The following SLC24A2 variants were observed in gnomAD, a reference collection of about 807,000 sequenced individuals.
The protein encoded by SLC24A2 is solute carrier family 24 member 2.
Under a neutral mutation model 62.0 loss-of-function variants are expected in SLC24A2, and 36 were observed. The ratio of observed to expected loss-of-function variants is 0.58; its 90% CI spans 0.44 to 0.77. The LOEUF is 0.77. SLC24A2 is among the 30% of genes least tolerant of loss of function. SLC24A2 has a pLI of 0.00. For missense variants in SLC24A2, 846 were observed against 817.9 expected (o/e 1.03, Z -0.42); for synonymous variants, 358 against 294.0 (o/e 1.22, Z -2.23).
At chr9:19,597,537 C>A (rs1328820075) in intron 4 of SLC24A2, among the ~76,000 whole-genome samples, 1 of 152,086 alleles carries the variant, frequency 6.6e-6, no homozygotes, top group Non-Finnish European at 1.5e-5. Flanking sequence ...ATCTTAACAT[C>A]CAATGAAACA....
intron 7 of SLC24A2, among the ~76,000 whole-genome samples, chr9:19,566,403 C>T (rs1254026395): frequency 6.8e-6 from 1 of 146,564 alleles, no homozygotes; most frequent in African/African-American, 2.5e-5. Context: ...AAATCAAAAC[C>T]ACAGTGAGAT....
the SLC24A2 span, among the ~76,000 whole-genome samples, chr9:19,949,086 T>C: frequency 4.6e-5 from 7 of 152,056 alleles, 1 homozygote; most frequent in South Asian, 1.5e-3. Flanking sequence ...CTCTGCCCCC[T>C]GAGTTCAAGT....
chr9:19,692,688 C>G (rs141110668), intron 2 of SLC24A2, among the ~76,000 whole-genome samples: 12 of 152,230 alleles, frequency 7.9e-5, no homozygotes, highest in African/African-American at 2.6e-4. Context: ...CACTATGCAT[C>G]ACATTCTTAT....
chr9:19,667,823 C>A (rs148563679), intron 2 of SLC24A2, among the ~76,000 whole-genome samples: 1 of 152,254 alleles, frequency 6.6e-6, no homozygotes, highest in East Asian at 1.9e-4. Context: ...CCGTGCTGCT[C>A]CTCTCTGCCT....
chr9:19,861,014 G>A, the SLC24A2 span, among the ~76,000 whole-genome samples: 5 of 152,172 alleles, frequency 3.3e-5, no homozygotes, highest in Admixed American at 6.5e-5. Flanking sequence ...GGAACTTGAC[G>A]CCCTGAAGGG....
At chr9:19,749,265 T>C (rs767107292) in intron 2 of SLC24A2, among the ~76,000 whole-genome samples, 11 of 152,076 alleles carry the variant, frequency 7.2e-5, no homozygotes, top group Non-Finnish European at 1.6e-4. Flanking sequence ...TACATTTCAT[T>C]TATTTTGGCT....
the SLC24A2 span, among the ~76,000 whole-genome samples, chr9:20,077,802 G>T: frequency 2.0e-5 from 3 of 152,120 alleles, no homozygotes; most frequent in Non-Finnish European, 4.4e-5. Context: ...ATCCTTTCTG[G>T]TTTTTTGATT....
the SLC24A2 span, among the ~76,000 whole-genome samples, chr9:20,127,870 C>T: frequency 9.2e-5 from 14 of 152,110 alleles, no homozygotes; most frequent in Non-Finnish European, 4.4e-5. Flanking sequence ...GAGAGACGGT[C>T]ACTCTATTAA....
At chr9:19,547,872 T>C (rs1729324909) in intron 8 of SLC24A2, among the ~76,000 whole-genome samples, 1 of 151,686 alleles carries the variant, frequency 6.6e-6, no homozygotes, top group Admixed American at 6.5e-5. Context: ...TGCAAGCATA[T>C]CTTAGAAATG....
the SLC24A2 span, among the ~76,000 whole-genome samples, chr9:20,076,924 A>G: frequency 6.8e-6 from 1 of 147,612 alleles, no homozygotes; most frequent in Admixed American, 6.8e-5. Flanking sequence ...TACCACATTT[A>G]TATATATTTG....
the SLC24A2 span, among the ~76,000 whole-genome samples, chr9:20,061,141 C>T: frequency 6.6e-6 from 1 of 151,896 alleles, no homozygotes; most frequent in Non-Finnish European, 1.5e-5. Flanking sequence ...ATGCAAAAGA[C>T]CTAAAATAAA....
At chr9:19,736,874 G>A (rs541249191) in intron 2 of SLC24A2, among the ~76,000 whole-genome samples, 5 of 152,060 alleles carry the variant, frequency 3.3e-5, no homozygotes, top group African/African-American at 9.6e-5. Flanking sequence ...CTTATACCAT[G>A]CAAGAGTTAA....
the SLC24A2 span, among the ~76,000 whole-genome samples, chr9:19,947,279 C>A: frequency 6.6e-6 from 1 of 151,984 alleles, no homozygotes; most frequent in African/African-American, 2.4e-5. Flanking sequence ...CAGGTGCCAT[C>A]TTTTGAAAGC....
At chr9:19,850,984 T>TATATATATAC in the SLC24A2 span, among the ~76,000 whole-genome samples, 11 of 30,534 alleles carry the variant, frequency 3.6e-4, 1 homozygote, top group Admixed American at 8.1e-4. Context: ...TATATATATA[T>TATATATATAC]GTATATATAT....
intron 2 of SLC24A2, among the ~76,000 whole-genome samples, chr9:19,690,515 G>T (rs1820013455): frequency 6.6e-6 from 1 of 152,074 alleles, no homozygotes. Context: ...AAGATCTACT[G>T]GTGGCTTTCT....
chr9:19,547,539 A>C (rs1448668519), intron 8 of SLC24A2, among the ~76,000 whole-genome samples: 1 of 151,966 alleles, frequency 6.6e-6, no homozygotes, highest in Non-Finnish European at 1.5e-5. Flanking sequence ...TGACGTTTCA[A>C]CTAGGATTAC....
chr9:20,087,656 G>C, the SLC24A2 span, among the ~76,000 whole-genome samples: 5 of 152,106 alleles, frequency 3.3e-5, no homozygotes, highest in Admixed American at 2.0e-4. Context: ...TTTCCTACTT[G>C]ATTTTAGCAA....
chr9:20,069,878 T>C, the SLC24A2 span, among the ~76,000 whole-genome samples: 1 of 152,196 alleles, frequency 6.6e-6, no homozygotes, highest in Non-Finnish European at 1.5e-5. Context: ...GTCCCTTCTA[T>C]TCACCACTGT....
At chr9:19,945,757 C>T in the SLC24A2 span, among the ~76,000 whole-genome samples, 1 of 152,194 alleles carries the variant, frequency 6.6e-6, no homozygotes, top group African/African-American at 2.4e-5. Flanking sequence ...CTTTGAGTTC[C>T]CAATTCTCAA....
Sources: allele counts gnomAD v4.1 joint callset (sites outside exome capture counted in the v4.1 genomes callset), GRCh38; gene constraint gnomAD v4.1.1; transcripts MANE v1.5; gene names NCBI Gene and HGNC (gene_info 2026-07-23, HGNC 2026-07-21).